MAPRE2: variants seen among roughly 807,000 people sequenced by gnomAD.
MAPRE2 encodes microtubule associated protein RP/EB family member 2.
Under a neutral mutation model 43.2 loss-of-function variants are expected in MAPRE2, and 13 were observed. The observed-to-expected ratio is 0.30, with a 90% CI of 0.20 to 0.48. MAPRE2 has a LOEUF of 0.48. Ranked by LOEUF, MAPRE2 falls within the 20% of genes least tolerant of loss-of-function variation. The pLI, the probability that MAPRE2 is intolerant of heterozygous loss-of-function variation, is 0.99. For missense variants in MAPRE2, 161 were observed against 400.2 expected, an observed-to-expected ratio of 0.40 and a Z score of 5.10; for synonymous variants, 135 against 148.8, an observed-to-expected ratio of 0.91 and a Z score of 0.68.
rs577750229 is a variant in MAPRE2 at position 35,022,140 on chromosome 18, G to A, written c.-8+16587G>A. On this transcript the variant is annotated intron_variant, in intron 2 of 7. Transcript: ENST00000413393. ...ACATGAAAAGGTTTGAAAACTTTAC[G>A]TCTCTGTATCTCTCAAAAAATAATT... Among the ~76,000 whole-genome samples, 12 of 152,148 alleles carry A rather than the reference G, an allele frequency of 7.9e-5. No homozygotes were observed. The South Asian group carries it at 1.0e-3, about 13-fold the overall frequency.
upstream of MAPRE2, among the ~76,000 whole-genome samples, chr18:35,037,687 T>C (rs947235865): frequency 6.6e-6 from 1 of 152,026 alleles, no homozygotes; most frequent in Non-Finnish European, 1.5e-5. Flanking sequence ...TAGGATGACC[T>C]GGGTAATTCT....
chr18:35,085,422 G>T (rs2144137961), intron 2 of MAPRE2, among the ~76,000 whole-genome samples: 1 of 152,300 alleles, frequency 6.6e-6, no homozygotes, highest in Admixed American at 6.5e-5. Flanking sequence ...ATTTTTCATT[G>T]CTAATATTCA....
At chr18:35,112,253 C>G (rs751467213) in intron 4 of MAPRE2, among the ~76,000 whole-genome samples, 1 of 151,336 alleles carries the variant, frequency 6.6e-6, no homozygotes, top group Non-Finnish European at 1.5e-5. Flanking sequence ...GTGCAACCTC[C>G]GCCTCCTGGG....
chr18:35,015,633 A>T (rs1192577204), intron 2 of MAPRE2, among the ~76,000 whole-genome samples: 5 of 134,894 alleles, frequency 3.7e-5, no homozygotes, highest in African/African-American at 1.2e-4. Context: ...TAGGGATGGC[A>T]GTGTGTGTGT....
At position 35,142,953 on chromosome 18, in the gene MAPRE2, A is replaced by G. The variant is rs12922; in HGVS notation, c.*2584A>G. 2 of 145,140 alleles carry G rather than the reference A, an allele frequency of 1.4e-5. No individual in the cohort carries two copies. Among genetic ancestry groups the G allele is most frequent in the African/African-American group, 5.1e-5 (2 of 39,046 alleles). The allele number at this position is 145,140 out of a possible 1,614,324, so 9.0% of individuals were successfully genotyped here. A position where few individuals can be genotyped will look rare whatever the true frequency, so the allele number is the denominator to read the frequency against. The stretch of plus-strand genomic sequence containing the variant: ...CAGGAAGCCCAGTTTCATCCTTAGT[A>G]CCCCCCCTCGTGCCCGCTGTCGGCT... On this transcript the variant is annotated 3_prime_UTR_variant, in exon 7 of 7. Coordinates refer to ENST00000300249, the MANE Select transcript of MAPRE2 (RefSeq NM_014268.4).
At chr18:35,003,447 A>C (rs575537949) in intron 1 of MAPRE2, among the ~76,000 whole-genome samples, 1 of 152,338 alleles carries the variant, frequency 6.6e-6, no homozygotes, top group South Asian at 2.1e-4. Context: ...CATTTATAAT[A>C]AGATAGTTTT....
intron 2 of MAPRE2, among the ~76,000 whole-genome samples, chr18:35,015,414 A>G (rs2097037520): frequency 6.6e-6 from 1 of 152,156 alleles, no homozygotes; most frequent in South Asian, 2.1e-4. Context: ...CATATGTTCT[A>G]CATGAAACTT....
At chr18:35,115,840 A>G (rs1909386953) in intron 4 of MAPRE2, among the ~76,000 whole-genome samples, 1 of 152,184 alleles carries the variant, frequency 6.6e-6, no homozygotes, top group Non-Finnish European at 1.5e-5. Flanking sequence ...ATGTGTGTGC[A>G]TGTGTCTTTT....
At position 35,143,013 on chromosome 18, in the gene MAPRE2, A is replaced by C. The variant is rs1910730219; in HGVS notation, c.*2644A>C. The C allele has an allele frequency of 6.6e-6, 1 of 151,250 alleles. No homozygotes were observed. The highest frequency in any genetic ancestry group is 1.5e-5 in the Non-Finnish European group (1 of 67,864). The allele number at this position is 151,250 out of a possible 1,614,324, so 9.4% of individuals were successfully genotyped here. A position where few individuals can be genotyped will look rare whatever the true frequency, so the allele number is the denominator to read the frequency against. On this transcript the variant is annotated 3_prime_UTR_variant, in exon 7 of 7. Transcript: ENST00000300249. ...ACTTCCACTGCTACTGTCAGATAGGAAGTGATCGAAGCAGGGGGCAAAGAG... is the reference window on the plus strand; with the variant it reads ...ACTTCCACTGCTACTGTCAGATAGGCAGTGATCGAAGCAGGGGGCAAAGAG...
chr18:34,979,310 A>C (rs2097014859), intron 1 of MAPRE2, among the ~76,000 whole-genome samples: 1 of 152,200 alleles, frequency 6.6e-6, no homozygotes, highest in South Asian at 2.1e-4. Flanking sequence ...AGGAAAACCC[A>C]GCAGAAACAT....
intron 1 of MAPRE2, among the ~76,000 whole-genome samples, chr18:35,060,540 A>G (rs557910574): frequency 6.6e-6 from 1 of 152,330 alleles, no homozygotes; most frequent in South Asian, 2.1e-4. Flanking sequence ...GTCAAGTTTC[A>G]TTCATATCCA....
At chr18:35,009,958 C>G (rs2097033640) in intron 2 of MAPRE2, among the ~76,000 whole-genome samples, 1 of 152,138 alleles carries the variant, frequency 6.6e-6, no homozygotes, top group African/African-American at 2.4e-5. Flanking sequence ...TTAATTAGCC[C>G]TGCCTCATCT....
At chr18:34,978,516 G>A (rs971911519) in intron 1 of MAPRE2, 1 of 1,546,468 alleles carries the variant, frequency 6.5e-7, no homozygotes, top group Non-Finnish European at 8.8e-7. Flanking sequence ...GGACACTGTG[G>A]AATGAAACAG....
intron 4 of MAPRE2, among the ~76,000 whole-genome samples, chr18:35,116,018 G>A (rs546963586): frequency 1.4e-4 from 22 of 152,272 alleles, no homozygotes; most frequent in Non-Finnish European, 2.8e-4. Context: ...GAGATACATA[G>A]TGATTCTGAC....
chr18:35,135,250 T>C (rs1910333644), intron 6 of MAPRE2, among the ~76,000 whole-genome samples: 1 of 152,170 alleles, frequency 6.6e-6, no homozygotes, highest in Non-Finnish European at 1.5e-5. Flanking sequence ...ACAAGACCCA[T>C]TTGTTTAAAC....
chr18:35,019,613 G>A lies in MAPRE2; in HGVS notation c.-8+14060G>A, dbSNP rs375644248. 1.1e-4 allele frequency among the ~76,000 whole-genome samples: 17 copies of A among 152,090 alleles called. 1 individual carries two copies. Among genetic ancestry groups the A allele is most frequent in the Admixed American group, 4.6e-4 (7 of 15,250 alleles). On this transcript the variant is annotated intron_variant, in intron 2 of 7. Transcript: ENST00000413393. ...GTCATAAGCAGTTTTCCATGCTACA[G>A]TACATATTCATGATTGTAGACATGT...
At chr18:35,063,125 A>T (rs537924459) in intron 1 of MAPRE2, among the ~76,000 whole-genome samples, 1 of 151,566 alleles carries the variant, frequency 6.6e-6, no homozygotes, top group East Asian at 1.9e-4. Flanking sequence ...TTTTTTTGAG[A>T]TGGAGTCTCA....
chr18:35,012,923 A>G (rs894497290), intron 2 of MAPRE2, among the ~76,000 whole-genome samples: 2 of 152,178 alleles, frequency 1.3e-5, no homozygotes, highest in Non-Finnish European at 2.9e-5. Flanking sequence ...TTTTACTACA[A>G]TGTGAAAGTG....
intron 2 of MAPRE2, among the ~76,000 whole-genome samples, chr18:35,008,179 AT>A (rs1292400415): frequency 6.6e-6 from 1 of 152,066 alleles, no homozygotes; most frequent in Non-Finnish European, 1.5e-5. Flanking sequence ...ATACCTCATG[AT>A]GTATAAGACT....
Sources: allele counts gnomAD v4.1 joint callset (sites outside exome capture counted in the v4.1 genomes callset), GRCh38; gene constraint gnomAD v4.1.1; transcripts MANE v1.5; gene names NCBI Gene and HGNC (gene_info 2026-07-23, HGNC 2026-07-21).